The following HAUS6 variants were observed in gnomAD, a reference collection of about 807,000 sequenced individuals.
HAUS6 encodes the protein HAUS augmin-like complex subunit 6.
In HAUS6, 80 loss-of-function variants were observed where a neutral mutation model predicts 106.8. The observed-to-expected ratio is 0.75, with a 90% CI of 0.63 to 0.90. The LOEUF (loss-of-function observed/expected upper bound fraction) is 0.90. Among genes scored for constraint, HAUS6 ranks in the 40% least tolerant of loss-of-function variants. HAUS6 has a pLI of 0.00. For missense variants in HAUS6, 1,155 were observed against 1,118.1 expected (o/e 1.03, Z -0.47); for synonymous variants, 356 against 379.1 (o/e 0.94, Z 0.71).
intron 1 of HAUS6, among the ~76,000 whole-genome samples, chr9:19,098,477 T>C (rs1817909981): frequency 6.6e-6 from 1 of 151,604 alleles, no homozygotes; most frequent in African/African-American, 2.4e-5. Flanking sequence ...AAAATTTATA[T>C]CTATTCTCTT....
intron 3 of HAUS6, among the ~76,000 whole-genome samples, chr9:19,093,907 C>T (rs1454777582): frequency 6.6e-6 from 1 of 152,070 alleles, no homozygotes; most frequent in East Asian, 1.9e-4. Flanking sequence ...AGAATTTGAT[C>T]AGAATTATTC....
At chr9:19,093,644 G>A (rs549481376) in intron 3 of HAUS6, among the ~76,000 whole-genome samples, 14 of 152,024 alleles carry the variant, frequency 9.2e-5, no homozygotes, top group South Asian at 2.1e-4. Context: ...CGAGGCAGAC[G>A]GATCACTGGA....
chr9:19,059,488 G>T (rs1024969170), intron 15 of HAUS6, among the ~76,000 whole-genome samples: 4 of 152,198 alleles, frequency 2.6e-5, no homozygotes, highest in African/African-American at 9.7e-5. Context: ...GCCAAATTTG[G>T]TTCATAGGCT....
At chr9:19,061,420 G>A (rs1836616176) in intron 14 of HAUS6, among the ~76,000 whole-genome samples, 1 of 152,124 alleles carries the variant, frequency 6.6e-6, no homozygotes, top group Non-Finnish European at 1.5e-5. Context: ...AATTAGGAAA[G>A]TAAAAAATAC....
chr9:19,081,982 T>C (rs932162300), intron 8 of HAUS6, among the ~76,000 whole-genome samples: 1 of 152,162 alleles, frequency 6.6e-6, no homozygotes, highest in Non-Finnish European at 1.5e-5. Flanking sequence ...GCTTGATGAA[T>C]TGTGTTTTCT....
At chr9:19,084,843 G>A (rs964352403) in intron 7 of HAUS6, among the ~76,000 whole-genome samples, 4 of 151,864 alleles carry the variant, frequency 2.6e-5, no homozygotes, top group African/African-American at 9.7e-5. Flanking sequence ...TGTTGGCCAG[G>A]CTGGCCTCAA....
chr9:19,101,418 G>C (rs1175755472), intron 1 of HAUS6, among the ~76,000 whole-genome samples: 1 of 152,054 alleles, frequency 6.6e-6, no homozygotes, highest in Non-Finnish European at 1.5e-5. Context: ...CTGAGCCCAG[G>C]AGTTGGAGGC....
chr9:19,076,100 C>G (rs1250066763), intron 11 of HAUS6, among the ~76,000 whole-genome samples: 1 of 151,686 alleles, frequency 6.6e-6, no homozygotes, highest in African/African-American at 2.4e-5. Flanking sequence ...TGGCTCATGC[C>G]TGTAATCCCA....
At chr9:19,062,737 C>T (rs1367277863) in intron 14 of HAUS6, among the ~76,000 whole-genome samples, 1 of 152,234 alleles carries the variant, frequency 6.6e-6, no homozygotes, top group African/African-American at 2.4e-5. Context: ...ACACAGCTCA[C>T]TGCAGCCTCA....
intron 11 of HAUS6, among the ~76,000 whole-genome samples, chr9:19,074,700 G>C (rs894863460): frequency 3.3e-5 from 5 of 152,092 alleles, no homozygotes; most frequent in Non-Finnish European, 5.9e-5. Context: ...ACCTATCCCA[G>C]TGATTAAGTC....
intron 12 of HAUS6, chr9:19,065,000 G>C (rs1370273645): frequency 2.0e-5 from 3 of 152,232 alleles, no homozygotes; most frequent in Non-Finnish European, 4.4e-5. Context: ...ATTCCCAGAG[G>C]CTAACACAGT....
chr9:19,072,538 A>G (rs987699204), intron 11 of HAUS6, among the ~76,000 whole-genome samples: 1 of 152,136 alleles, frequency 6.6e-6, no homozygotes, highest in African/African-American at 2.4e-5. Context: ...CTACAAATGA[A>G]TGACAAGTAG....
intron 11 of HAUS6, among the ~76,000 whole-genome samples, chr9:19,076,346 C>G (rs1299628468): frequency 1.3e-5 from 2 of 151,354 alleles, no homozygotes; most frequent in Admixed American, 1.3e-4. Context: ...AAAGTGAGAC[C>G]CTGTCTCAAA....
At chr9:19,083,789 A>C (rs1436188492) in intron 7 of HAUS6, among the ~76,000 whole-genome samples, 3 of 141,520 alleles carry the variant, frequency 2.1e-5, no homozygotes, top group East Asian at 4.0e-4. Flanking sequence ...GGGACAGAGC[A>C]AGACTCCATC....
At chr9:19,089,768 GTAAC>G in intron 4 of HAUS6, 1 of 533,314 alleles carries the variant, frequency 1.9e-6, no homozygotes. Flanking sequence ...TTAACATCAC[GTAAC>G]TAACAACTCC....
At chr9:19,098,551 G>A (rs186564245) in intron 1 of HAUS6, among the ~76,000 whole-genome samples, 1 of 151,930 alleles carries the variant, frequency 6.6e-6, no homozygotes, top group Non-Finnish European at 1.5e-5. Context: ...ACAAATAAAT[G>A]AATCACCTCT....
At chr9:19,094,663 G>A (rs1485480489) in intron 2 of HAUS6, among the ~76,000 whole-genome samples, 1 of 152,020 alleles carries the variant, frequency 6.6e-6, no homozygotes, top group Non-Finnish European at 1.5e-5. Context: ...ATAGTGGTGT[G>A]CGCCTATAGC....
intron 16 of HAUS6, 34 bp downstream of exon 16, chr9:19,057,927 C>G: frequency 7.8e-7 from 1 of 1,287,604 alleles, no homozygotes; most frequent in Non-Finnish European, 1.1e-6. Flanking sequence ...AAAACTTCAA[C>G]AGGTGAATAT....
intron 14 of HAUS6, 134 bp from the exon 15 acceptor site, chr9:19,060,357 C>G (rs1158446926): frequency 1.6e-6 from 1 of 639,046 alleles, no homozygotes. Context: ...AAATAAGCAA[C>G]AAAGAAGTTC....
Sources: gnomAD v4.1 joint callset for allele counts (sites outside exome capture counted in the v4.1 genomes callset) on GRCh38, gnomAD v4.1.1 for gene constraint, MANE v1.5 for transcripts, NCBI Gene and HGNC (gene_info 2026-07-23, HGNC 2026-07-21) for gene names.